Variants in SLC14A2 observed in about 807,000 individuals in gnomAD.
The protein encoded by SLC14A2 is urea transporter 2.
In SLC14A2, 91 loss-of-function variants were observed where a neutral mutation model predicts 104.6. That is an observed-to-expected ratio of 0.87 (90% confidence interval 0.73 to 1.04). The LOEUF (loss-of-function observed/expected upper bound fraction) is 1.04, where lower values mean the gene tolerates loss of function less well. SLC14A2 is among the 50% of genes least tolerant of loss of function. The pLI is 0.00. For synonymous variants in SLC14A2, 476 were observed against 466.4 expected (o/e 1.02, Z -0.27); for missense variants, 1,189 against 1,156.0 (o/e 1.03, Z -0.41).
At chr18:45,520,799 TCTATC>T (rs1484625208) in intron 2 of SLC14A2, among the ~76,000 whole-genome samples, 6 of 152,120 alleles carry the variant, frequency 3.9e-5, no homozygotes, top group Non-Finnish European at 7.4e-5. Flanking sequence ...GAGAGAACAA[TCTATC>T]TAATTTGTGG....
chr18:45,313,387 C>CT (rs2085098346), intron 1 of SLC14A2, among the ~76,000 whole-genome samples: 1 of 152,180 alleles, frequency 6.6e-6, no homozygotes, highest in South Asian at 2.1e-4. Flanking sequence ...AAGTCATTTG[C>CT]TCAGAGTCAT....
chr18:45,673,169 G>A, intron 17 of SLC14A2, 122 bp downstream of exon 17: 1 of 944,192 alleles, frequency 1.1e-6, no homozygotes, highest in Non-Finnish European at 1.6e-6. Context: ...CCCTCCTTCT[G>A]TTGTACCCTG....
At chr18:45,585,138 GTCCTCC>G (rs77973886) in intron 2 of SLC14A2, among the ~76,000 whole-genome samples, 2 of 151,334 alleles carry the variant, frequency 1.3e-5, no homozygotes, top group Non-Finnish European at 2.9e-5. Context: ...TTGACACCAT[GTCCTCC>G]TCCTCCTCCT....
chr18:45,540,579 C>T (rs1413208948), intron 2 of SLC14A2, among the ~76,000 whole-genome samples: 2 of 152,058 alleles, frequency 1.3e-5, no homozygotes, highest in African/African-American at 2.4e-5. Flanking sequence ...CTCATCTCTA[C>T]TAAAAATACA....
rs376038398 is a variant in SLC14A2, at chr18:45,500,402, C to T, written c.-35+17080C>T. Reference sequence around the variant, plus strand: ...ACCATCCTGGCTAACACGGTGAAACCCCGTCTCTACTAAAAATACAAAAAA... The same window carrying T: ...ACCATCCTGGCTAACACGGTGAAACTCCGTCTCTACTAAAAATACAAAAAA... On this transcript the variant is annotated intron_variant, in intron 2 of 20. Transcript: ENST00000586448. Among the ~76,000 whole-genome samples, 41 of 152,052 alleles carry T rather than the reference C, an allele frequency of 2.7e-4. 1 individual carries two copies. Among genetic ancestry groups the T allele is most frequent in the African/African-American group, 9.6e-4 (40 of 41,476 alleles).
At chr18:45,489,179 T>A (rs1019707810) in intron 2 of SLC14A2, among the ~76,000 whole-genome samples, 1 of 152,226 alleles carries the variant, frequency 6.6e-6, no homozygotes, top group Non-Finnish European at 1.5e-5. Flanking sequence ...TAATGGCTCA[T>A]GATTCTTATA....
chr18:45,302,664 G>A (rs1272881547), intron 1 of SLC14A2, among the ~76,000 whole-genome samples: 4 of 152,100 alleles, frequency 2.6e-5, no homozygotes, highest in African/African-American at 9.7e-5. Flanking sequence ...AGACACTCGG[G>A]TTCTATTATT....
At chr18:45,613,269 G>A (rs556072002), upstream of SLC14A2, among the ~76,000 whole-genome samples, 6 of 152,224 alleles carry the variant, frequency 3.9e-5, no homozygotes, top group South Asian at 4.1e-4. Flanking sequence ...TGATCCGCCC[G>A]CCTCAGCCTC....
chr18:45,228,916 C>T (rs2084146919), intron 1 of SLC14A2, among the ~76,000 whole-genome samples: 1 of 152,110 alleles, frequency 6.6e-6, no homozygotes, highest in Non-Finnish European at 1.5e-5. Context: ...ACATCTATAC[C>T]TCTGTCATGT....
In SLC14A2 at chr18:45,377,470, C is replaced by T. The variant is rs190416468; in HGVS notation, c.-124-105763C>T. ...GCCAAATAAACTCTCAGCCTGGAGT[C>T]CTACCAGCACCTCAGAACCAAAGTC... On this transcript the variant is annotated intron_variant, in intron 1 of 20. Transcript: ENST00000586448. Among the ~76,000 whole-genome samples the T allele has an allele frequency of 2.0e-4, 30 of 152,256 alleles. 1 individual carries two copies. The Middle Eastern group carries it at 0.01, about 52-fold the overall frequency.
chr18:45,285,158 A>G (rs1325250643), intron 1 of SLC14A2, among the ~76,000 whole-genome samples: 1 of 152,208 alleles, frequency 6.6e-6, no homozygotes, highest in Non-Finnish European at 1.5e-5. Flanking sequence ...AGGGTGATAC[A>G]TTCTATTGGT....
intron 1 of SLC14A2, among the ~76,000 whole-genome samples, chr18:45,287,375 T>C (rs997447728): frequency 5.3e-5 from 8 of 152,174 alleles, no homozygotes; most frequent in African/African-American, 1.9e-4. Flanking sequence ...AATGGACTGA[T>C]TGGATTTGGA....
intron 1 of SLC14A2, among the ~76,000 whole-genome samples, chr18:45,371,567 T>A (rs79319044): frequency 1.3e-5 from 2 of 152,210 alleles, no homozygotes; most frequent in African/African-American, 4.8e-5. Flanking sequence ...AGTTTACACA[T>A]GTATCTAAGA....
chr18:45,281,481 T>C (rs998001996), intron 1 of SLC14A2, among the ~76,000 whole-genome samples: 6 of 152,364 alleles, frequency 3.9e-5, no homozygotes, highest in Admixed American at 3.9e-4. Flanking sequence ...ATTTGGATTA[T>C]TGGGAAGAAA....
At chr18:45,179,286 G>A in the SLC14A2 span, among the ~76,000 whole-genome samples, 1 of 152,148 alleles carries the variant, frequency 6.6e-6, no homozygotes, top group Non-Finnish European at 1.5e-5. Context: ...AGAGGCCATT[G>A]CAGAGCATGA....
chr18:45,594,283 A>G (rs74383068), intron 2 of SLC14A2, among the ~76,000 whole-genome samples: 605 of 152,328 alleles, frequency 4.0e-3, no homozygotes, highest in Non-Finnish European at 6.3e-3. Context: ...GAAATGCACT[A>G]TAGCAATGGG....
intron 10 of SLC14A2, among the ~76,000 whole-genome samples, chr18:45,649,148 T>C (rs2045684119): frequency 6.6e-6 from 1 of 151,346 alleles, no homozygotes; most frequent in South Asian, 2.1e-4. Context: ...CACTCCAGCC[T>C]ATGAGAGCGA....
At chr18:45,656,359 G>A (rs2045836801) in intron 10 of SLC14A2, among the ~76,000 whole-genome samples, 1 of 152,190 alleles carries the variant, frequency 6.6e-6, no homozygotes, top group Non-Finnish European at 1.5e-5. Flanking sequence ...GGCAGGGTGT[G>A]CGTTGGGAAA....
intron 1 of SLC14A2, among the ~76,000 whole-genome samples, chr18:45,306,341 G>C (rs796622604): frequency 1.4e-4 from 22 of 152,292 alleles, no homozygotes; most frequent in Admixed American, 4.6e-4. Flanking sequence ...CCCATGCATA[G>C]GAGTAAAATG....
Sources: gnomAD v4.1 joint callset for allele counts (sites outside exome capture counted in the v4.1 genomes callset) on GRCh38, gnomAD v4.1.1 for gene constraint, MANE v1.5 for transcripts, NCBI Gene and HGNC (gene_info 2026-07-23, HGNC 2026-07-21) for gene names.